DCLK1: variants seen among roughly 807,000 people sequenced by gnomAD.
The protein encoded by DCLK1 is serine/threonine-protein kinase DCLK1.
In DCLK1, 16 loss-of-function variants were observed where a neutral mutation model predicts 86.2. That is an observed-to-expected ratio of 0.19 (90% CI 0.13 to 0.28). The LOEUF is 0.28. Ranked by LOEUF, DCLK1 falls within the 10% of genes least tolerant of loss-of-function variation. DCLK1 has a pLI of 1.00. For synonymous variants in DCLK1, 369 were observed against 370.5 expected, an observed-to-expected ratio of 1.00 and a Z score of 0.05; for missense variants, 590 against 940.2, an observed-to-expected ratio of 0.63 and a Z score of 4.87.
intron 3 of DCLK1, among the ~76,000 whole-genome samples, chr13:35,948,899 T>C (rs1012360544): frequency 1.3e-5 from 2 of 152,136 alleles, no homozygotes; most frequent in South Asian, 4.1e-4. Context: ...AGCAGACCAT[T>C]TGAATTCAGA....
intron 3 of DCLK1, among the ~76,000 whole-genome samples, chr13:36,046,970 G>A (rs1882938313): frequency 1.3e-5 from 2 of 152,108 alleles, no homozygotes; most frequent in South Asian, 4.1e-4. Flanking sequence ...AGAGGAACTC[G>A]AGCAACTCAA....
intron 4 of DCLK1, among the ~76,000 whole-genome samples, chr13:35,881,179 T>C (rs1430801945): frequency 6.6e-6 from 1 of 152,108 alleles, no homozygotes; most frequent in Non-Finnish European, 1.5e-5. Context: ...CAATAACAAA[T>C]TACAATGGTC....
chr13:36,021,892 A>G (rs527731733), intron 3 of DCLK1, among the ~76,000 whole-genome samples: 14 of 152,212 alleles, frequency 9.2e-5, no homozygotes, highest in Admixed American at 4.6e-4. Flanking sequence ...ACACTATAAA[A>G]CAATAGAATG....
chr13:35,973,638 T>C (rs1461340205), intron 3 of DCLK1, among the ~76,000 whole-genome samples: 1 of 152,126 alleles, frequency 6.6e-6, no homozygotes, highest in Non-Finnish European at 1.5e-5. Flanking sequence ...AATAAATGAA[T>C]GAATGACAAA....
intron 3 of DCLK1, 56 bp from the exon 4 acceptor site, chr13:35,947,513 T>C: frequency 3.5e-6 from 5 of 1,428,332 alleles, no homozygotes; most frequent in Admixed American, 3.4e-5. Context: ...ATTACAACAA[T>C]GCAACCCCAC....
intron 11 of DCLK1, among the ~76,000 whole-genome samples, chr13:35,819,653 G>C (rs2087346831): frequency 1.3e-5 from 2 of 151,992 alleles, no homozygotes; most frequent in African/African-American, 4.8e-5. Flanking sequence ...CCTATAATAA[G>C]TAAATGGATT....
At chr13:35,939,263 T>A (rs1876951747) in intron 4 of DCLK1, among the ~76,000 whole-genome samples, 1 of 152,150 alleles carries the variant, frequency 6.6e-6, no homozygotes, top group African/African-American at 2.4e-5. Context: ...ACCCTCTATT[T>A]CAGACATCAG....
At chr13:36,116,236 C>A (rs1885782940) in intron 2 of DCLK1, among the ~76,000 whole-genome samples, 1 of 152,098 alleles carries the variant, frequency 6.6e-6, no homozygotes, top group Non-Finnish European at 1.5e-5. Context: ...AGGCGTGAGC[C>A]ACCGCGACTG....
At chr13:35,785,665 G>A (rs1344317472) in intron 16 of DCLK1, among the ~76,000 whole-genome samples, 1 of 152,180 alleles carries the variant, frequency 6.6e-6, no homozygotes, top group African/African-American at 2.4e-5. Context: ...GTGCCCTCAT[G>A]TGATCTGCTT....
intron 16 of DCLK1, among the ~76,000 whole-genome samples, chr13:35,776,321 C>T (rs1418943142): frequency 2.6e-5 from 4 of 152,028 alleles, no homozygotes; most frequent in East Asian, 1.9e-4. Context: ...AAAAAACAGA[C>T]GTCTATTTAG....
At chr13:36,093,305 G>T (rs7989154) in intron 3 of DCLK1, among the ~76,000 whole-genome samples, 53,307 of 152,008 alleles carry the variant, frequency 0.35, 10,105 homozygotes, top group East Asian at 0.79. Flanking sequence ...TTGATTGACA[G>T]AAGTCATCAT....
chr13:35,814,779 TTTAAC>T (rs2087232067), intron 11 of DCLK1, among the ~76,000 whole-genome samples: 1 of 152,206 alleles, frequency 6.6e-6, no homozygotes, highest in African/African-American at 2.4e-5. Context: ...CTTTCACTGT[TTTAAC>T]TAAGCAATAA....
chr13:35,974,863 T>C (rs1318427733), intron 3 of DCLK1, among the ~76,000 whole-genome samples: 3 of 152,190 alleles, frequency 2.0e-5, no homozygotes, highest in Non-Finnish European at 4.4e-5. Flanking sequence ...TCTAGCCCTG[T>C]AAGAAAATAA....
intron 6 of DCLK1, among the ~76,000 whole-genome samples, chr13:35,841,716 A>C (rs1869805638): frequency 6.6e-6 from 1 of 152,226 alleles, no homozygotes; most frequent in Non-Finnish European, 1.5e-5. Flanking sequence ...GAGTTCTCTG[A>C]AAATGGAAAG....
Position 36,008,207 on chromosome 13 carries a change from T to C in DCLK1, c.724-60750A>G, listed in dbSNP as rs1359918796. On this transcript the variant is annotated intron_variant, in intron 3 of 16. Transcript: ENST00000360631. ...CAGAGTCCACAGAGCTATTTTATTA[T>C]TATTATTATTATTATTATTATTTTT... is the stretch of plus-strand genomic sequence containing the variant. Among the ~76,000 whole-genome samples the C allele has an allele frequency of 2.8e-3, 28 of 9,942 alleles. No individual in the cohort carries two copies. The Admixed American group carries it at 0.041, about 14-fold the overall frequency. 6.5% of individuals were successfully genotyped at this position (9,942 alleles called of 152,430 possible).
intron 6 of DCLK1, chr13:35,850,084 G>T (rs1870497402): frequency 1.0e-6 from 1 of 983,444 alleles, no homozygotes; most frequent in Non-Finnish European, 1.2e-6. Flanking sequence ...CCTAACTTCA[G>T]AGTCTTTATG....
chr13:35,809,089 G>A lies in DCLK1; in HGVS notation c.1695C>T (p.Gly565=). ...CTGCTGCCCAGATGTCCACCTTGAG[G>A]CCGTATCTGGAAAAATAAGGGATGT... is the stretch of plus-strand genomic sequence containing the variant. ...APEIIAETGY[G]LKVDIWAAGV... is the part of the protein sequence containing the mutation. The change falls in exon 13 of 17, where the codon GGC becomes GGT. Residue 565 remains glycine, a synonymous_variant. Transcript: ENST00000360631. 6.2e-7 allele frequency: 1 copy of A among 1,610,636 alleles called. No homozygotes were observed. The highest frequency in any genetic ancestry group is 8.5e-7 in the Non-Finnish European group (1 of 1,177,656).
At chr13:35,900,988 A>G (rs1566593576) in intron 4 of DCLK1, among the ~76,000 whole-genome samples, 1 of 151,692 alleles carries the variant, frequency 6.6e-6, no homozygotes, top group East Asian at 1.9e-4. Context: ...TCAACAAAGT[A>G]TTTTTTTTTC....
intron 3 of DCLK1, among the ~76,000 whole-genome samples, chr13:36,025,084 C>T (rs529531220): frequency 1.3e-4 from 19 of 151,996 alleles, no homozygotes; most frequent in Middle Eastern, 3.4e-3. Flanking sequence ...TCTCCTGCCT[C>T]AGCCTCCTGA....
Sources: gnomAD v4.1 joint callset for allele counts (sites outside exome capture counted in the v4.1 genomes callset) on GRCh38, gnomAD v4.1.1 for gene constraint, MANE v1.5 for transcripts, NCBI Gene and HGNC (gene_info 2026-07-23, HGNC 2026-07-21) for gene names.